Variants in GALNT13 observed in about 807,000 individuals in gnomAD.
GALNT13 encodes UDP-GalNAc:polypeptide N-acetylgalactosaminyltransferase 13.
In GALNT13, 28 loss-of-function variants were observed where a neutral mutation model predicts 64.2. That is an observed-to-expected ratio of 0.44 (90% CI 0.32 to 0.60). GALNT13 has a LOEUF of 0.60. Ranked by LOEUF, GALNT13 falls within the 20% of genes least tolerant of loss-of-function variation. The pLI is 0.05. For missense variants in GALNT13, 577 were observed against 669.8 expected (o/e 0.86, Z 1.53); for synonymous variants, 214 against 224.6 (o/e 0.95, Z 0.42).
At chr2:154,296,886 T>C (rs1265517120) in intron 8 of GALNT13, among the ~76,000 whole-genome samples, 2 of 152,108 alleles carry the variant, frequency 1.3e-5, no homozygotes, top group Non-Finnish European at 2.9e-5. Flanking sequence ...CCGTCAGCAA[T>C]TGGAGAAGAC....
At chr2:153,648,372 C>CGCCCAGAAAATGA in the GALNT13 span, among the ~76,000 whole-genome samples, 1 of 152,058 alleles carries the variant, frequency 6.6e-6, no homozygotes, top group Non-Finnish European at 1.5e-5. Context: ...TGGGCTGAGA[C>CGCCCAGAAAATGA]GATGGCATTT....
At chr2:153,907,811 A>ATGGG (rs1188793655) in intron 2 of GALNT13, among the ~76,000 whole-genome samples, 1 of 151,986 alleles carries the variant, frequency 6.6e-6, no homozygotes, top group Non-Finnish European at 1.5e-5. Flanking sequence ...TCTACCATTG[A>ATGGG]TGGGCATTTA....
chr2:154,335,485 A>G (rs1340028719), intron 9 of GALNT13, among the ~76,000 whole-genome samples: 2 of 151,986 alleles, frequency 1.3e-5, no homozygotes, highest in Non-Finnish European at 2.9e-5. Flanking sequence ...GACAAATAAA[A>G]TCCACTTTTC....
At chr2:154,011,756 G>T (rs1466535422) in intron 3 of GALNT13, among the ~76,000 whole-genome samples, 1 of 152,058 alleles carries the variant, frequency 6.6e-6, no homozygotes, top group East Asian at 1.9e-4. Flanking sequence ...CTCCTGTGTT[G>T]GGTGCATATA....
intron 8 of GALNT13, among the ~76,000 whole-genome samples, chr2:154,294,546 T>C (rs1467138307): frequency 6.6e-6 from 1 of 152,196 alleles, no homozygotes; most frequent in Admixed American, 6.5e-5. Flanking sequence ...AACACTCTTA[T>C]GAAAAAGACA....
At chr2:153,098,738 T>C in the GALNT13 span, among the ~76,000 whole-genome samples, 18 of 152,180 alleles carry the variant, frequency 1.2e-4, no homozygotes, top group Non-Finnish European at 2.4e-4. Flanking sequence ...TTAAATATCC[T>C]GAACATGTTT....
intron 4 of GALNT13, among the ~76,000 whole-genome samples, chr2:154,195,783 A>G (rs1686847384): frequency 6.6e-6 from 1 of 152,134 alleles, no homozygotes; most frequent in Non-Finnish European, 1.5e-5. Flanking sequence ...TTGGATAGTG[A>G]TATTTTCCAA....
the GALNT13 span, chr2:153,421,240 TG>T: frequency 5.5e-6 from 1 of 182,710 alleles, no homozygotes. Flanking sequence ...CAGGTCGGTC[TG>T]GAATTCTGTC....
chr2:153,570,836 A>G, the GALNT13 span, among the ~76,000 whole-genome samples: 1 of 152,098 alleles, frequency 6.6e-6, no homozygotes, highest in African/African-American at 2.4e-5. Flanking sequence ...TTATGACAGT[A>G]TCATGTTGTT....
intron 3 of GALNT13, among the ~76,000 whole-genome samples, chr2:154,012,313 C>T (rs754769579): frequency 2.4e-4 from 36 of 147,558 alleles, no homozygotes; most frequent in Non-Finnish European, 2.3e-4. Context: ...TTTTATTTCT[C>T]CTTCATTTAT....
chr2:153,981,246 G>GTA (rs1444306362), intron 3 of GALNT13, among the ~76,000 whole-genome samples: 8 of 151,618 alleles, frequency 5.3e-5, no homozygotes, highest in African/African-American at 7.3e-5. Flanking sequence ...AAGTTCTAGG[G>GTA]TATATATATA....
At chr2:153,850,713 A>C in the GALNT13 span, among the ~76,000 whole-genome samples, 1 of 152,338 alleles carries the variant, frequency 6.6e-6, no homozygotes, top group African/African-American at 2.4e-5. Flanking sequence ...AGAATATATA[A>C]TAGACACCCC....
the GALNT13 span, among the ~76,000 whole-genome samples, chr2:153,555,454 A>G: frequency 6.6e-6 from 1 of 151,078 alleles, no homozygotes; most frequent in East Asian, 1.9e-4. Flanking sequence ...TCGGCCTCCC[A>G]AAGTGCTGGG....
chr2:154,361,350 G>C (rs1697058194), intron 9 of GALNT13, among the ~76,000 whole-genome samples: 1 of 152,066 alleles, frequency 6.6e-6, no homozygotes, highest in African/African-American at 2.4e-5. Flanking sequence ...TACTGTTTAA[G>C]TATGTAACAT....
chr2:153,442,075 C>T, the GALNT13 span, among the ~76,000 whole-genome samples: 2 of 152,104 alleles, frequency 1.3e-5, no homozygotes, highest in Non-Finnish European at 2.9e-5. Flanking sequence ...ATGATATTGG[C>T]TGTGGGTTTG....
chr2:153,404,828 C>G, the GALNT13 span, among the ~76,000 whole-genome samples: 2 of 152,122 alleles, frequency 1.3e-5, no homozygotes, highest in Non-Finnish European at 2.9e-5. Flanking sequence ...ACATTCTAGT[C>G]TATAGTTGTA....
chr2:153,587,564 G>A, the GALNT13 span, among the ~76,000 whole-genome samples: 1 of 152,106 alleles, frequency 6.6e-6, no homozygotes, highest in East Asian at 1.9e-4. Flanking sequence ...AAAGGCATCA[G>A]ATCTCATGAG....
the GALNT13 span, among the ~76,000 whole-genome samples, chr2:153,267,314 A>G: frequency 6.6e-6 from 1 of 152,060 alleles, no homozygotes; most frequent in African/African-American, 2.4e-5. Context: ...TCCACCCCAC[A>G]TTTTCTCTCT....
In GALNT13 at chr2:154,298,560, T is replaced by C. The variant is rs975079699; in HGVS notation, c.976-2849T>C. 2.3e-4 allele frequency among the ~76,000 whole-genome samples: 14 copies of C among 61,876 alleles called. 1 individual carries two copies. Among genetic ancestry groups the C allele is most frequent in the African/African-American group, 7.5e-4 (14 of 18,586 alleles). The allele number at this position is 61,876 out of a possible 152,430, so 40.6% of individuals were successfully genotyped here. The stretch of plus-strand genomic sequence containing the variant: ...TATATTTATATATAAATTGTATATA[T>C]AATTTATATATAAATTGTATATATA... On this transcript the variant is annotated intron_variant, in intron 8 of 12. Coordinates refer to ENST00000392825, the MANE Select transcript of GALNT13 (RefSeq NM_052917.4).
Sources: gnomAD v4.1 joint callset for allele counts (sites outside exome capture counted in the v4.1 genomes callset) on GRCh38, gnomAD v4.1.1 for gene constraint, MANE v1.5 for transcripts, NCBI Gene and HGNC (gene_info 2026-07-23, HGNC 2026-07-21) for gene names.